The following PICALM variants were observed in gnomAD, a reference collection of about 807,000 sequenced individuals.
PICALM encodes phosphatidylinositol-binding clathrin assembly protein.
PICALM carries 40 observed loss-of-function variants against 80.5 expected under a neutral mutation model. That is an observed-to-expected ratio of 0.50 (90% CI 0.39 to 0.65). PICALM has a LOEUF of 0.65. Ranked by LOEUF, PICALM falls within the 30% of genes least tolerant of loss-of-function variation. The pLI, the probability that PICALM is intolerant of heterozygous loss-of-function variation, is 0.00. For missense variants in PICALM, 676 were observed against 778.9 expected (o/e 0.87, Z 1.57); for synonymous variants, 288 against 260.3 (o/e 1.11, Z -1.02).
At chr11:86,031,397 G>T in intron 2 of PICALM, 72 bp downstream of exon 2, 1 of 1,242,862 alleles carries the variant, frequency 8.0e-7, no homozygotes, top group Non-Finnish European at 1.1e-6. Flanking sequence ...TGTTTCTGAA[G>T]TTTCAGTGAG....
chr11:85,982,820 G>A (rs2094482703), intron 14 of PICALM, among the ~76,000 whole-genome samples: 1 of 152,002 alleles, frequency 6.6e-6, no homozygotes, highest in Non-Finnish European at 1.5e-5. Flanking sequence ...TAGTAAATGA[G>A]AACAATTCTT....
chr11:85,986,899 T>C (rs905134065), intron 13 of PICALM, among the ~76,000 whole-genome samples: 1 of 152,178 alleles, frequency 6.6e-6, no homozygotes, highest in Non-Finnish European at 1.5e-5. Context: ...CAAGGCCCAG[T>C]GAAAACTTTC....
intron 1 of PICALM, among the ~76,000 whole-genome samples, chr11:86,042,096 G>A (rs907426867): frequency 1.3e-5 from 2 of 152,170 alleles, no homozygotes; most frequent in East Asian, 3.9e-4. Flanking sequence ...CTGTACAGAG[G>A]AACAACAGGA....
intron 13 of PICALM, among the ~76,000 whole-genome samples, chr11:85,988,556 C>T (rs2094653770): frequency 6.6e-6 from 1 of 151,704 alleles, no homozygotes; most frequent in African/African-American, 2.4e-5. Flanking sequence ...ACAAAAAATT[C>T]TGACAAGGCA....
intron 4 of PICALM, among the ~76,000 whole-genome samples, chr11:86,020,183 A>G (rs2095541487): frequency 6.6e-6 from 1 of 151,754 alleles, no homozygotes. Flanking sequence ...TAAGATTAAA[A>G]GAAAGCTTAA....
chr11:86,049,145 TAGTC>T (rs767815254), intron 1 of PICALM, among the ~76,000 whole-genome samples: 13 of 151,848 alleles, frequency 8.6e-5, no homozygotes, highest in African/African-American at 2.4e-4. Context: ...ATACAAAAAT[TAGTC>T]AGGCACGGTG....
At chr11:86,031,382 G>T in intron 2 of PICALM, 87 bp downstream of exon 2, 2 of 992,394 alleles carry the variant, frequency 2.0e-6, no homozygotes, top group East Asian at 2.5e-5. Context: ...TTTGTACCTG[G>T]GAGCTGTTTC....
Position 85,981,852 on chromosome 11 carries a change from C to T in PICALM, c.1648+20G>A, listed in dbSNP as rs199605178. On this transcript the variant is annotated intron_variant, in intron 15 of 19. Coordinates refer to ENST00000393346, the MANE Select transcript of PICALM (RefSeq NM_007166.4). ...ATAAAACAACATAAAAGAAGATTAA[C>T]GTATCCAAAGACTACTTACTGCCCA... The T allele has an allele frequency of 3.2e-5, 51 of 1,612,656 alleles. No homozygotes were observed. The East Asian group carries it at 6.2e-4, about 20-fold the overall frequency.
At chr11:86,007,445 A>C (rs1041310849) in intron 8 of PICALM, 97 bp downstream of exon 8, 1 of 707,758 alleles carries the variant, frequency 1.4e-6, no homozygotes, top group Non-Finnish European at 2.6e-6. Context: ...AACTGCATTG[A>C]TCCCTTTGAC....
rs1457170115 is a variant in PICALM at position 85,974,457 on chromosome 11, A to T, written c.1944+251T>A. ...TAGGCTCCTTAATCTCAGAAAAATC[A>T]TCCTTTGGATCTACCAACTATAAGT... On this transcript the variant is annotated intron_variant, in intron 19 of 19. Coordinates refer to ENST00000393346, the MANE Select transcript of PICALM (RefSeq NM_007166.4). 1.2e-5 allele frequency: 7 copies of T among 600,118 alleles called. No individual in the cohort carries two copies. The African/African-American group carries it at 1.3e-4, about 11-fold the overall frequency. The allele number at this position is 600,118 out of a possible 1,614,324, so 37.2% of individuals were successfully genotyped here.
At chr11:86,060,833 C>T (rs1314833729) in intron 1 of PICALM, among the ~76,000 whole-genome samples, 1 of 151,564 alleles carries the variant, frequency 6.6e-6, no homozygotes, top group Non-Finnish European at 1.5e-5. Flanking sequence ...AATTATAAAG[C>T]TCCCAAATGG....
intron 1 of PICALM, among the ~76,000 whole-genome samples, chr11:86,050,885 G>A (rs549011265): frequency 9.9e-5 from 15 of 152,052 alleles, no homozygotes; most frequent in South Asian, 2.1e-4. Flanking sequence ...ATGTGGTCTC[G>A]CTATGTTGTA....
intron 18 of PICALM, among the ~76,000 whole-genome samples, 172 bp downstream of exon 18, chr11:85,976,451 T>A (rs2094286078): frequency 6.6e-6 from 1 of 152,256 alleles, no homozygotes; most frequent in Non-Finnish European, 1.5e-5. Flanking sequence ...ATCTCTTGTA[T>A]AATGATTATT....
At chr11:86,062,198 A>G (rs1033637875) in intron 1 of PICALM, among the ~76,000 whole-genome samples, 3 of 152,178 alleles carry the variant, frequency 2.0e-5, no homozygotes, top group Non-Finnish European at 4.4e-5. Context: ...ACAATTGGCC[A>G]AACCCATAGA....
intron 5 of PICALM, among the ~76,000 whole-genome samples, chr11:86,012,845 A>C (rs550916945): frequency 6.6e-6 from 1 of 152,206 alleles, no homozygotes; most frequent in African/African-American, 2.4e-5. Context: ...CCTAATAATA[A>C]ATAAAGTAAA....
At chr11:86,012,106 T>A (rs938142196) in intron 6 of PICALM, among the ~76,000 whole-genome samples, 175 bp downstream of exon 6, 2 of 152,208 alleles carry the variant, frequency 1.3e-5, no homozygotes, top group Non-Finnish European at 2.9e-5. Context: ...GGTATAAAAA[T>A]ATGTAATCAC....
chr11:85,981,804 T>C (rs752993404), intron 15 of PICALM, 29 bp from the exon 16 acceptor site: 1 of 1,612,740 alleles, frequency 6.2e-7, no homozygotes, highest in Non-Finnish European at 8.5e-7. Context: ...AAAAAAGCAT[T>C]TTATAACACG....
intron 13 of PICALM, among the ~76,000 whole-genome samples, chr11:85,985,541 T>G (rs1243575688): frequency 6.6e-6 from 1 of 152,158 alleles, no homozygotes; most frequent in Non-Finnish European, 1.5e-5. Flanking sequence ...TACGAAATAA[T>G]TTAGTATATA....
chr11:86,055,274 G>A (rs1047508570), intron 1 of PICALM, among the ~76,000 whole-genome samples: 5 of 147,430 alleles, frequency 3.4e-5, no homozygotes, highest in Admixed American at 6.9e-5. Context: ...AGGTTGCAGT[G>A]AGCCTAGATC....
Sources: gnomAD v4.1 joint callset for allele counts (sites outside exome capture counted in the v4.1 genomes callset) on GRCh38, gnomAD v4.1.1 for gene constraint, MANE v1.5 for transcripts, NCBI Gene and HGNC (gene_info 2026-07-23, HGNC 2026-07-21) for gene names.